Variants in MCOLN2 observed in about 807,000 individuals in gnomAD.
The protein encoded by MCOLN2 is mucolipin-2.
MCOLN2 carries 57 observed loss-of-function variants against 67.5 expected under a neutral mutation model. The ratio of observed to expected loss-of-function variants is 0.84; its 90% CI spans 0.68 to 1.05. MCOLN2 has a LOEUF of 1.05. MCOLN2 is among the 50% of genes least tolerant of loss of function. MCOLN2 has a pLI of 0.00. For missense variants in MCOLN2, 620 were observed against 678.8 expected (o/e 0.91, Z 0.96); for synonymous variants, 246 against 233.3 (o/e 1.05, Z -0.50).
intron 4 of MCOLN2, 152 bp downstream of exon 4, chr1:84,956,279 G>C (rs1426420969): frequency 1.5e-6 from 1 of 662,286 alleles, no homozygotes. Context: ...CTGAGCCAAA[G>C]CCCCTCTGCA....
chr1:84,967,267 C>T (rs988283349), intron 1 of MCOLN2, among the ~76,000 whole-genome samples: 4 of 152,200 alleles, frequency 2.6e-5, no homozygotes, highest in Admixed American at 6.5e-5. Flanking sequence ...CATCCCAAGT[C>T]TTTCCATTTG....
intron 1 of MCOLN2, among the ~76,000 whole-genome samples, chr1:84,977,603 C>T (rs1311192359): frequency 2.6e-5 from 4 of 152,036 alleles, no homozygotes; most frequent in Non-Finnish European, 5.9e-5. Flanking sequence ...TTTTGTCAGA[C>T]AAAACAGATT....
At chr1:84,959,379 T>G (rs1287951201) in intron 2 of MCOLN2, among the ~76,000 whole-genome samples, 1 of 152,144 alleles carries the variant, frequency 6.6e-6, no homozygotes, top group East Asian at 1.9e-4. Context: ...AAATGCCCAC[T>G]TATTCTCCCT....
At chr1:84,970,439 G>C (rs993550988) in intron 1 of MCOLN2, among the ~76,000 whole-genome samples, 1 of 151,690 alleles carries the variant, frequency 6.6e-6, no homozygotes, top group Non-Finnish European at 1.5e-5. Flanking sequence ...GGAGGGTGAG[G>C]TGGGTGGATC....
chr1:84,933,094 C>T (rs1417524547), intron 11 of MCOLN2, among the ~76,000 whole-genome samples: 1 of 152,202 alleles, frequency 6.6e-6, no homozygotes, highest in African/African-American at 2.4e-5. Flanking sequence ...TTATTCTCCT[C>T]ACCTGCTCTA....
chr1:84,931,106 G>C (rs538575744), intron 12 of MCOLN2, among the ~76,000 whole-genome samples: 1 of 152,062 alleles, frequency 6.6e-6, no homozygotes, highest in South Asian at 2.1e-4. Context: ...CCAGCAGCCT[G>C]ACTACCTGAC....
At chr1:84,956,387 C>G (rs1169209909) in intron 4 of MCOLN2, 44 bp downstream of exon 4, 1 of 1,588,674 alleles carries the variant, frequency 6.3e-7, no homozygotes, top group African/African-American at 1.4e-5. Context: ...TCTGCTCTTA[C>G]CAGAAGACGA....
intron 4 of MCOLN2, among the ~76,000 whole-genome samples, chr1:84,953,615 G>A (rs559505300): frequency 6.6e-6 from 1 of 151,618 alleles, no homozygotes; most frequent in African/African-American, 2.4e-5. Context: ...GGAAATATTT[G>A]TGCTATTTTG....
chr1:84,955,117 G>A (rs1648714336), intron 4 of MCOLN2, among the ~76,000 whole-genome samples: 1 of 152,072 alleles, frequency 6.6e-6, no homozygotes, highest in South Asian at 2.1e-4. Flanking sequence ...GGTTTTATAG[G>A]AGGCTTTTCT....
At chr1:84,962,934 G>C (rs538271598) in intron 2 of MCOLN2, among the ~76,000 whole-genome samples, 10 of 152,144 alleles carry the variant, frequency 6.6e-5, no homozygotes. Context: ...TATTAGCATC[G>C]AATGTATATG....
intron 13 of MCOLN2, among the ~76,000 whole-genome samples, chr1:84,928,943 G>A (rs1002096997): frequency 6.6e-6 from 1 of 152,122 alleles, no homozygotes; most frequent in African/African-American, 2.4e-5. Flanking sequence ...GACTTCAGAT[G>A]AAAGCAAACA....
intron 8 of MCOLN2, among the ~76,000 whole-genome samples, chr1:84,940,360 T>C (rs12065464): frequency 1.5e-3 from 226 of 152,244 alleles, no homozygotes; most frequent in African/African-American, 5.3e-3. Flanking sequence ...ATAAGATATG[T>C]GGGGAGCGGA....
chr1:84,969,802 T>C (rs1204229763), intron 1 of MCOLN2, among the ~76,000 whole-genome samples: 1 of 152,146 alleles, frequency 6.6e-6, no homozygotes, highest in Admixed American at 6.6e-5. Flanking sequence ...GAAAGACTTG[T>C]CAATGCATAA....
intron 1 of MCOLN2, among the ~76,000 whole-genome samples, chr1:84,987,556 C>CA (rs1650642614): frequency 3.1e-5 from 2 of 63,524 alleles, no homozygotes; most frequent in African/African-American, 1.5e-4. Flanking sequence ...ATGTATACAT[C>CA]TATGTATACA....
intron 1 of MCOLN2, among the ~76,000 whole-genome samples, chr1:84,983,656 A>G (rs1309782307): frequency 6.6e-6 from 1 of 151,244 alleles, no homozygotes; most frequent in Non-Finnish European, 1.5e-5. Flanking sequence ...TCTTTTTAAA[A>G]GTCATTTACT....
At chr1:84,933,212 G>T (rs1038728061) in intron 11 of MCOLN2, among the ~76,000 whole-genome samples, 1 of 152,102 alleles carries the variant, frequency 6.6e-6, no homozygotes, top group Non-Finnish European at 1.5e-5. Flanking sequence ...TCTGCACTCC[G>T]TATCGGTAAG....
intron 1 of MCOLN2, among the ~76,000 whole-genome samples, chr1:84,987,462 GTA>G (rs1283440287): frequency 6.1e-5 from 5 of 82,180 alleles, no homozygotes; most frequent in South Asian, 3.5e-4. Context: ...ATACATATAT[GTA>G]TATATAGATA....
Position 84,978,334 on chromosome 1 carries a change from AAAGC to A in MCOLN2, c.78-12630_78-12627del, listed in dbSNP as rs372916203. Among the ~76,000 whole-genome samples the A allele has an allele frequency of 4.3e-3, 660 of 152,224 alleles. 4 individuals carry two copies. The highest frequency in any genetic ancestry group is 0.015 in the African/African-American group (640 of 41,576). ...TAATGATACATCTTATAGAACTAGA[AAAGC>A]AAGAGCAAACGAAACCCAAAATTAG... On this transcript the variant is annotated intron_variant, in intron 1 of 13. Coordinates refer to ENST00000370608, the MANE Select transcript of MCOLN2 (RefSeq NM_153259.4).
At chr1:84,974,195 T>C (rs1182715592) in intron 1 of MCOLN2, among the ~76,000 whole-genome samples, 1 of 152,006 alleles carries the variant, frequency 6.6e-6, no homozygotes, top group African/African-American at 2.4e-5. Context: ...GGTGTCTAAG[T>C]GAATTTGAAA....
Sources: allele counts gnomAD v4.1 joint callset (sites outside exome capture counted in the v4.1 genomes callset), GRCh38; gene constraint gnomAD v4.1.1; transcripts MANE v1.5; gene names NCBI Gene and HGNC (gene_info 2026-07-23, HGNC 2026-07-21).